Variants in BTLA observed in about 807,000 individuals in gnomAD.
BTLA encodes B- and T-lymphocyte attenuator.
BTLA carries 11 observed loss-of-function variants against 25.0 expected under a neutral mutation model. That is an observed-to-expected ratio of 0.44 (90% CI 0.28 to 0.73). The LOEUF (loss-of-function observed/expected upper bound fraction) is 0.73. BTLA is among the 30% of genes least tolerant of loss of function. The pLI, the probability that BTLA is intolerant of heterozygous loss-of-function variation, is 0.15. For synonymous variants in BTLA, 104 were observed against 119.8 expected (o/e 0.87, Z 0.86); for missense variants, 282 against 332.8 (o/e 0.85, Z 1.19).
At chr3:112,491,356 T>C (rs1000941005) in intron 1 of BTLA, among the ~76,000 whole-genome samples, 1 of 152,148 alleles carries the variant, frequency 6.6e-6, no homozygotes, top group African/African-American at 2.4e-5. Flanking sequence ...AAAAAGAATA[T>C]GACTAATATT....
chr3:112,471,296 G>A lies in BTLA; in HGVS notation c.463C>T (p.Leu155=). 1 of 1,614,056 alleles carries A rather than the reference G, an allele frequency of 6.2e-7. No homozygotes were observed. Among genetic ancestry groups the A allele is most frequent in the Non-Finnish European group, 8.5e-7 (1 of 1,179,930 alleles). ...KDEMASRPWL[L]YRLLPLGGLP... The stretch of plus-strand genomic sequence containing the variant: ...CCCCCCAAAGGAAGTAAACGATACA[G>A]GAGCCAGGGTCTGCTTGCCATTTCG... The change falls in exon 3 of 5, where the codon CTG becomes TTG. Residue 155 remains leucine, a synonymous_variant. Coordinates refer to ENST00000334529, the MANE Select transcript of BTLA (RefSeq NM_181780.4).
At chr3:112,472,239 A>G (rs946929352) in intron 2 of BTLA, among the ~76,000 whole-genome samples, 7 of 152,234 alleles carry the variant, frequency 4.6e-5, no homozygotes, top group African/African-American at 1.7e-4. Context: ...TATCCAGACC[A>G]AAGTGTCAAT....
chr3:112,466,289 G>C lies in BTLA; in HGVS notation c.689C>G (p.Pro230Arg). The C allele has an allele frequency of 6.2e-7, 1 of 1,613,964 alleles. No homozygotes were observed. Among genetic ancestry groups the C allele is most frequent in the Non-Finnish European group, 8.5e-7 (1 of 1,179,964 alleles). ...LSETGIYDND[P>R]DLCFRMQEGS... ...TTCCTGCATCCTGAAACAAAGGTCAGGGTCATTATCATAAATTCCAGTTTC... is the reference window on the plus strand; with the variant it reads ...TTCCTGCATCCTGAAACAAAGGTCACGGTCATTATCATAAATTCCAGTTTC... The change falls in exon 5 of 5, where the codon CCT becomes CGT. Residue 230 changes from proline (P) to arginine (R), a missense_variant. Pro to Arg is a moderately radical substitution (Grantham distance 103). Coordinates refer to ENST00000334529, the MANE Select transcript of BTLA (RefSeq NM_181780.4).
intron 1 of BTLA, among the ~76,000 whole-genome samples, chr3:112,492,173 G>C (rs1360902770): frequency 6.6e-6 from 1 of 152,190 alleles, no homozygotes; most frequent in Non-Finnish European, 1.5e-5. Context: ...ACTCCTTAGA[G>C]CCCTGTCTAC....
chr3:112,477,965 A>G (rs2107319169), intron 2 of BTLA, among the ~76,000 whole-genome samples: 1 of 150,576 alleles, frequency 6.6e-6, no homozygotes, highest in South Asian at 2.1e-4. Context: ...TCTCAATTCT[A>G]TTTACATTGA....
intron 1 of BTLA, among the ~76,000 whole-genome samples, chr3:112,484,351 A>G (rs2082334806): frequency 6.6e-6 from 1 of 152,244 alleles, no homozygotes; most frequent in African/African-American, 2.4e-5. Context: ...AAGGGCACGG[A>G]AATAGCTACA....
chr3:112,485,604 C>A (rs2107328413), intron 1 of BTLA, among the ~76,000 whole-genome samples: 1 of 152,146 alleles, frequency 6.6e-6, no homozygotes, highest in Admixed American at 6.5e-5. Context: ...GCTCTTGTTG[C>A]CCAGGCTGGA....
At chr3:112,469,648 TAG>T (rs1553730266) in intron 4 of BTLA, 108 bp downstream of exon 4, 8 of 465,994 alleles carry the variant, frequency 1.7e-5, no homozygotes, top group East Asian at 1.5e-4. Flanking sequence ...TATATATATA[TAG>T]TACATAGAAT....
intron 1 of BTLA, among the ~76,000 whole-genome samples, chr3:112,480,539 A>T (rs543767023): frequency 2.5e-4 from 38 of 152,300 alleles, no homozygotes; most frequent in African/African-American, 7.0e-4. Context: ...AGCATCTAGC[A>T]AAGGCCTTTG....
chr3:112,497,543 C>G lies in BTLA; in HGVS notation c.88+1728G>C, dbSNP rs558042526. The stretch of plus-strand genomic sequence containing the variant: ...ATTTCATAGAGAGTAGTTTATGTAT[C>G]CTTCAAATGGGGAAGAAATCTATTT... On this transcript the variant is annotated intron_variant, in intron 1 of 4. Coordinates refer to ENST00000334529, the MANE Select transcript of BTLA (RefSeq NM_181780.4). Among the ~76,000 whole-genome samples the G allele has an allele frequency of 2.0e-5, 3 of 152,112 alleles. No homozygotes were observed. In the East Asian group the frequency reaches 5.8e-4, roughly 29 times the overall value.
chr3:112,499,487 A>T (rs2082430456), upstream of BTLA: 8 of 646,210 alleles, frequency 1.2e-5, no homozygotes, highest in Non-Finnish European at 2.0e-5. Context: ...AAAAAAAAAA[A>T]AGAAGAGAGA....
At chr3:112,493,037 C>A (rs2107338519) in intron 1 of BTLA, among the ~76,000 whole-genome samples, 1 of 152,320 alleles carries the variant, frequency 6.6e-6, no homozygotes, top group Non-Finnish European at 1.5e-5. Context: ...CAAGCCACTT[C>A]TTCCATTGAG....
chr3:112,488,927 T>C (rs1037790108), intron 1 of BTLA, among the ~76,000 whole-genome samples: 1 of 152,116 alleles, frequency 6.6e-6, no homozygotes, highest in Non-Finnish European at 1.5e-5. Flanking sequence ...GCATCACTCT[T>C]TATAACTACA....
At position 112,464,258 on chromosome 3, in the gene BTLA, A is replaced by C. The variant is rs892116732; in HGVS notation, c.*1850T>G. The C allele has an allele frequency of 5.5e-5, 22 of 396,928 alleles. No homozygotes were observed. Among genetic ancestry groups the C allele is most frequent in the Non-Finnish European group, 8.9e-5 (20 of 225,052 alleles). 24.6% of individuals were successfully genotyped at this position (396,928 alleles called of 1,614,324 possible). On this transcript the variant is annotated 3_prime_UTR_variant, in exon 5 of 5. Coordinates refer to ENST00000334529, the MANE Select transcript of BTLA (RefSeq NM_181780.4). Reference sequence around the variant, plus strand: ...AATCATTATCAGCATTATCTTTACTATAAGACATACTAAGGATATTTTAAA... The same window carrying C: ...AATCATTATCAGCATTATCTTTACTCTAAGACATACTAAGGATATTTTAAA...
intron 2 of BTLA, 96 bp from the exon 3 acceptor site, chr3:112,471,451 A>G (rs897606522): frequency 1.8e-5 from 24 of 1,326,920 alleles, no homozygotes; most frequent in Non-Finnish European, 2.5e-5. Context: ...AGTGAAGGAG[A>G]TTTCAGGCCA....
intron 2 of BTLA, among the ~76,000 whole-genome samples, chr3:112,474,863 GA>G (rs2107315880): frequency 6.6e-6 from 1 of 152,326 alleles, no homozygotes; most frequent in African/African-American, 2.4e-5. Context: ...GCTGTATATG[GA>G]ATCCAGAAAC....
At chr3:112,497,921 T>A (rs943512414) in intron 1 of BTLA, among the ~76,000 whole-genome samples, 5 of 152,124 alleles carry the variant, frequency 3.3e-5, no homozygotes, top group Non-Finnish European at 5.9e-5. Flanking sequence ...TGGTGGCTCA[T>A]ACCTGTAATC....
At chr3:112,490,315 C>G (rs1007765786) in intron 1 of BTLA, among the ~76,000 whole-genome samples, 1 of 152,160 alleles carries the variant, frequency 6.6e-6, no homozygotes, top group Non-Finnish European at 1.5e-5. Flanking sequence ...CACACACAAA[C>G]ATATGTTAAA....
intron 1 of BTLA, among the ~76,000 whole-genome samples, chr3:112,495,012 C>G (rs1362393610): frequency 6.6e-6 from 1 of 152,142 alleles, no homozygotes; most frequent in Admixed American, 6.5e-5. Flanking sequence ...GACTATTAAA[C>G]TAATGAAATG....
Sources: allele counts gnomAD v4.1 joint callset (sites outside exome capture counted in the v4.1 genomes callset), GRCh38; gene constraint gnomAD v4.1.1; transcripts MANE v1.5; gene names NCBI Gene and HGNC (gene_info 2026-07-23, HGNC 2026-07-21).